FBLN5: variants seen among roughly 807,000 people sequenced by gnomAD.
FBLN5 encodes the protein fibulin-5.
In FBLN5, 24 loss-of-function variants were observed where a neutral mutation model predicts 61.6. That is an observed-to-expected ratio of 0.39 (90% CI 0.28 to 0.55). The LOEUF (loss-of-function observed/expected upper bound fraction) is 0.55, where lower values mean the gene tolerates loss of function less well. Among genes scored for constraint, FBLN5 ranks in the 20% least tolerant of loss-of-function variants. The pLI is 0.65. For synonymous variants in FBLN5, 213 were observed against 219.8 expected, an observed-to-expected ratio of 0.97 and a Z score of 0.27; for missense variants, 470 against 594.1, an observed-to-expected ratio of 0.79 and a Z score of 2.17.
At chr14:91,939,056 C>T (rs546583588) in intron 3 of FBLN5, among the ~76,000 whole-genome samples, 1 of 152,210 alleles carries the variant, frequency 6.6e-6, no homozygotes, top group Non-Finnish European at 1.5e-5. Context: ...TTCAAACCAT[C>T]TATCTCCCCT....
At chr14:91,929,836 C>A (rs1168858621) in intron 4 of FBLN5, among the ~76,000 whole-genome samples, 1 of 152,214 alleles carries the variant, frequency 6.6e-6, no homozygotes, top group Non-Finnish European at 1.5e-5. Context: ...AAAATGCAGA[C>A]CCTTGGGGCC....
At chr14:91,898,308 C>T (rs1208030087) in intron 4 of FBLN5, among the ~76,000 whole-genome samples, 1 of 152,048 alleles carries the variant, frequency 6.6e-6, no homozygotes, top group Non-Finnish European at 1.5e-5. Flanking sequence ...TGAATGAACA[C>T]ATGAACGGCA....
rs34458933 is a variant in FBLN5, at chr14:91,917,575, CAAAAAAA to C, written c.379+19365_379+19371del. ...TGGGTGACAGAGTGAGACTCCATCTCAAAAAAAAAAAAAAAAAAAAAAAAAGAAAGAA... is the reference window on the plus strand; with the variant it reads ...TGGGTGACAGAGTGAGACTCCATCTCAAAAAAAAAAAAAAAAAAGAAAGAA... On this transcript the variant is annotated intron_variant, in intron 4 of 10. Coordinates refer to ENST00000342058, the MANE Select transcript of FBLN5 (RefSeq NM_006329.4). Among the ~76,000 whole-genome samples, 139 of 63,464 alleles carry C rather than the reference CAAAAAAA, an allele frequency of 2.2e-3. 1 individual carries two copies. The South Asian group carries it at 0.059, about 27-fold the overall frequency. 41.6% of individuals were successfully genotyped at this position (63,464 alleles called of 152,430 possible).
At chr14:91,912,809 C>CAAA (rs200501822) in intron 4 of FBLN5, among the ~76,000 whole-genome samples, 96 of 92,992 alleles carry the variant, frequency 1.0e-3, no homozygotes, top group South Asian at 2.2e-3. Flanking sequence ...GACTCTGACT[C>CAAA]AAAAAAAAAA....
At chr14:91,911,042 G>GGCA (rs1343092922) in intron 4 of FBLN5, among the ~76,000 whole-genome samples, 1 of 151,622 alleles carries the variant, frequency 6.6e-6, no homozygotes, top group African/African-American at 2.4e-5. Context: ...GGAGTGCAGC[G>GGCA]GCACGATCTC....
At chr14:91,909,333 C>A (rs1890821717) in intron 4 of FBLN5, among the ~76,000 whole-genome samples, 1 of 152,184 alleles carries the variant, frequency 6.6e-6, no homozygotes. Flanking sequence ...CACACTTTAT[C>A]TTTGTAGCCC....
intron 3 of FBLN5, among the ~76,000 whole-genome samples, chr14:91,938,039 T>G (rs1261482925): frequency 6.6e-6 from 1 of 152,222 alleles, no homozygotes; most frequent in Non-Finnish European, 1.5e-5. Context: ...TACCATCTAA[T>G]ACATCAAGGA....
At chr14:91,901,712 C>T (rs1328087606) in intron 4 of FBLN5, among the ~76,000 whole-genome samples, 2 of 152,218 alleles carry the variant, frequency 1.3e-5, no homozygotes, top group Admixed American at 6.5e-5. Flanking sequence ...GGCATCTGCA[C>T]TCCATGTGTC....
intron 4 of FBLN5, among the ~76,000 whole-genome samples, chr14:91,928,529 T>C (rs1355760748): frequency 6.6e-6 from 1 of 152,216 alleles, no homozygotes; most frequent in Non-Finnish European, 1.5e-5. Flanking sequence ...CCCAGCACTT[T>C]GGGAGGCCAA....
chr14:91,871,957 T>C (rs1330188407), intron 10 of FBLN5, among the ~76,000 whole-genome samples: 2 of 152,066 alleles, frequency 1.3e-5, no homozygotes, highest in East Asian at 1.9e-4. Context: ...TTCTTATAAA[T>C]GCAGAATCTC....
chr14:91,944,022 C>T (rs1380973827), intron 1 of FBLN5, among the ~76,000 whole-genome samples: 1 of 151,378 alleles, frequency 6.6e-6, no homozygotes, highest in African/African-American at 2.4e-5. Flanking sequence ...TTGTGGCCAG[C>T]AAGATTGCTT....
chr14:91,922,703 C>T (rs2284340), intron 4 of FBLN5, among the ~76,000 whole-genome samples: 58,893 of 152,058 alleles, frequency 0.39, 12,214 homozygotes, highest in Non-Finnish European at 0.48. Context: ...ACATCTCTAC[C>T]TTGTTGGTCA....
At chr14:91,924,326 C>G (rs1458770936) in intron 4 of FBLN5, among the ~76,000 whole-genome samples, 1 of 152,200 alleles carries the variant, frequency 6.6e-6, no homozygotes, top group Admixed American at 6.5e-5. Flanking sequence ...TCATTTGAAT[C>G]CCACATATAT....
chr14:91,884,276 C>T (rs141696400), intron 7 of FBLN5, among the ~76,000 whole-genome samples: 13 of 152,324 alleles, frequency 8.5e-5, no homozygotes, highest in African/African-American at 2.4e-4. Context: ...TGAAAAGTCA[C>T]GTGTGCTCAG....
intron 4 of FBLN5, among the ~76,000 whole-genome samples, chr14:91,912,411 G>A (rs1235356633): frequency 2.6e-5 from 4 of 152,126 alleles, no homozygotes; most frequent in African/African-American, 4.8e-5. Context: ...ATGGGAGACC[G>A]AGGTGGGCAG....
At chr14:91,887,365 A>G (rs1889775473) in intron 6 of FBLN5, 53 bp from the exon 7 acceptor site, 7 of 1,596,236 alleles carry the variant, frequency 4.4e-6, no homozygotes, top group Non-Finnish European at 5.1e-6. Context: ...AACAGCCACA[A>G]TAACTAGGCA....
intron 10 of FBLN5, chr14:91,874,509 A>C (rs1030701545): frequency 6.6e-6 from 1 of 152,234 alleles, no homozygotes; most frequent in Non-Finnish European, 1.5e-5. Flanking sequence ...CAGGCTGCTT[A>C]GGTTCAAATC....
At chr14:91,887,422 C>G in intron 6 of FBLN5, 110 bp from the exon 7 acceptor site, 1 of 1,129,220 alleles carries the variant, frequency 8.9e-7, no homozygotes, top group Non-Finnish European at 1.3e-6. Context: ...AGACCAGAGT[C>G]CCAGGTACCA....
chr14:91,899,091 C>T (rs998392596), intron 4 of FBLN5, among the ~76,000 whole-genome samples: 1 of 152,040 alleles, frequency 6.6e-6, no homozygotes, highest in Admixed American at 6.6e-5. Flanking sequence ...CATAAGCCAC[C>T]GTGCCCGGCC....
Sources: gnomAD v4.1 joint callset for allele counts (sites outside exome capture counted in the v4.1 genomes callset) on GRCh38, gnomAD v4.1.1 for gene constraint, MANE v1.5 for transcripts, NCBI Gene and HGNC (gene_info 2026-07-23, HGNC 2026-07-21) for gene names.